ZNF644: variants seen among roughly 807,000 people sequenced by gnomAD.
The protein encoded by ZNF644 is zinc finger motif enhancer binding protein 2.
Under a neutral mutation model 108.0 loss-of-function variants are expected in ZNF644, and 20 were observed. The observed-to-expected ratio is 0.19, with a 90% CI of 0.13 to 0.27. The LOEUF is 0.27. ZNF644 is among the 10% of genes least tolerant of loss of function. The probability of loss-of-function intolerance (pLI) is 1.00; values close to 1 mark genes in which losing one functional copy is unlikely to be tolerated. For missense variants in ZNF644, 1,338 were observed against 1,548.9 expected, an observed-to-expected ratio of 0.86 and a Z score of 2.29; for synonymous variants, 542 against 539.1, an observed-to-expected ratio of 1.01 and a Z score of -0.08.
intron 2 of ZNF644, among the ~76,000 whole-genome samples, chr1:90,974,669 C>T (rs1655816046): frequency 6.6e-6 from 1 of 152,178 alleles, no homozygotes; most frequent in Admixed American, 6.5e-5. Flanking sequence ...ATCTTTCTAT[C>T]CCCACTTCTA....
chr1:90,941,279 A>G lies in ZNF644; in HGVS notation c.75T>C (p.Asn25=), dbSNP rs972623808. The change falls in exon 3 of 6, where the codon AAT becomes AAC. Residue 25 remains asparagine, a synonymous_variant. Transcript: ENST00000337393. ...RLNVLNGLAN[N]MDDLKINTDI... ...CGGTGTTTATCTTCAAATCATCCATATTGTTGGCAAGCCCATTTAACACAT... is the reference window on the plus strand; with the variant it reads ...CGGTGTTTATCTTCAAATCATCCATGTTGTTGGCAAGCCCATTTAACACAT... 2.5e-6 allele frequency: 4 copies of G among 1,598,648 alleles called. No individual in the cohort carries two copies. Among genetic ancestry groups the G allele is most frequent in the Non-Finnish European group, 3.4e-6 (4 of 1,176,260 alleles).
intron 1 of ZNF644, among the ~76,000 whole-genome samples, chr1:91,008,993 C>T (rs890287707): frequency 4.6e-5 from 7 of 152,178 alleles, no homozygotes; most frequent in Admixed American, 3.3e-4. Flanking sequence ...AATCACAGCA[C>T]TTTGGGAGGC....
chr1:90,973,282 A>T (rs1435788274), intron 2 of ZNF644: 1 of 152,104 alleles, frequency 6.6e-6, no homozygotes, highest in Non-Finnish European at 1.5e-5. Flanking sequence ...AAGTAAGAGT[A>T]TACATGTAAT....
At chr1:90,918,922 C>A (rs1323693919) in intron 4 of ZNF644, among the ~76,000 whole-genome samples, 1 of 151,824 alleles carries the variant, frequency 6.6e-6, no homozygotes, top group Non-Finnish European at 1.5e-5. Flanking sequence ...CTATTCTTTA[C>A]ATATTTTTCA....
Position 90,937,825 on chromosome 1 carries a change from G to A in ZNF644, c.3348C>T (p.Asp1116=). The change falls in exon 4 of 6, where the codon GAC becomes GAT. Residue 1116 remains aspartate, a synonymous_variant. Coordinates refer to ENST00000337393, the MANE Select transcript of ZNF644 (RefSeq NM_201269.3). ...FVAQKLASSD[D]FISQNVIPLE... The stretch of plus-strand genomic sequence containing the variant: ...GAGGTATAACATTTTGAGATATAAA[G>A]TCATCACTTGATGCAAGTTTTTGAG... 2.5e-6 allele frequency: 4 copies of A among 1,613,848 alleles called. No individual in the cohort carries two copies. Among genetic ancestry groups the A allele is most frequent in the Non-Finnish European group, 3.4e-6 (4 of 1,179,864 alleles).
intron 1 of ZNF644, among the ~76,000 whole-genome samples, chr1:91,016,230 C>G (rs1660421885): frequency 6.6e-6 from 1 of 152,140 alleles, no homozygotes; most frequent in Non-Finnish European, 1.5e-5. Context: ...TTGGGAATTA[C>G]CCCTCTCCTC....
At chr1:90,943,806 G>A (rs1015156326) in intron 2 of ZNF644, among the ~76,000 whole-genome samples, 1 of 152,202 alleles carries the variant, frequency 6.6e-6, no homozygotes, top group African/African-American at 2.4e-5. Context: ...AGGAAAGGGT[G>A]TGCAAATGTC....
At chr1:90,943,557 C>T (rs2100990207) in intron 2 of ZNF644, among the ~76,000 whole-genome samples, 1 of 152,242 alleles carries the variant, frequency 6.6e-6, no homozygotes, top group South Asian at 2.1e-4. Flanking sequence ...TTTAATACAA[C>T]AAATACCTAT....
At chr1:90,959,443 T>C (rs1654100426) in intron 2 of ZNF644, among the ~76,000 whole-genome samples, 1 of 152,190 alleles carries the variant, frequency 6.6e-6, no homozygotes, top group African/African-American at 2.4e-5. Context: ...GAAAAACTTG[T>C]ACACATATGT....
chr1:90,989,597 T>C (rs955408117), intron 1 of ZNF644, among the ~76,000 whole-genome samples: 4 of 152,086 alleles, frequency 2.6e-5, no homozygotes, highest in Admixed American at 2.6e-4. Flanking sequence ...CATCAGAGAA[T>C]GCAAATCTAA....
At chr1:90,954,701 C>T (rs1653566115) in intron 2 of ZNF644, among the ~76,000 whole-genome samples, 1 of 152,212 alleles carries the variant, frequency 6.6e-6, no homozygotes, top group Non-Finnish European at 1.5e-5. Flanking sequence ...GCCATGGCAC[C>T]CAGTCTTCAG....
At chr1:90,962,553 T>TA (rs1654440077) in intron 2 of ZNF644, among the ~76,000 whole-genome samples, 2 of 152,042 alleles carry the variant, frequency 1.3e-5, no homozygotes, top group African/African-American at 4.8e-5. Context: ...ATAATAATAG[T>TA]AAGTTCTAGG....
intron 1 of ZNF644, among the ~76,000 whole-genome samples, chr1:91,005,856 GA>G (rs1312080099): frequency 6.7e-6 from 1 of 149,870 alleles, no homozygotes; most frequent in East Asian, 2.0e-4. Context: ...TAAGAAATTA[GA>G]AAAAGACAAA....
rs1557658483 is a variant in ZNF644 at position 91,007,220 on chromosome 1, A to ATTTTTTT, written c.-18+14769_-18+14770insAAAAAAA. Among the ~76,000 whole-genome samples, 25 of 30,274 alleles carry ATTTTTTT rather than the reference A, an allele frequency of 8.3e-4. 2 individuals are homozygous for ATTTTTTT. The highest frequency in any genetic ancestry group is 1.4e-3 in the Non-Finnish European group (22 of 15,280). 19.9% of individuals were successfully genotyped at this position (30,274 alleles called of 152,430 possible). A position where few individuals can be genotyped will look rare whatever the true frequency, so the allele number is the denominator to read the frequency against. ...TTCTTAATTTCTTCCATTTTCTCCC[A>ATTTTTTT]TTTTGTTTTTTTTTTTTTTTTTTTT... On this transcript the variant is annotated intron_variant, in intron 1 of 5. Coordinates refer to ENST00000337393, the MANE Select transcript of ZNF644 (RefSeq NM_201269.3).
intron 4 of ZNF644, among the ~76,000 whole-genome samples, chr1:90,924,689 C>T (rs1021792028): frequency 6.6e-6 from 1 of 152,042 alleles, no homozygotes; most frequent in Non-Finnish European, 1.5e-5. Flanking sequence ...TTCTCAAGAG[C>T]CTTACACGTG....
chr1:90,988,836 G>C (rs1025544411), intron 1 of ZNF644, among the ~76,000 whole-genome samples: 5 of 152,126 alleles, frequency 3.3e-5, no homozygotes, highest in African/African-American at 1.2e-4. Context: ...ATATCCACGT[G>C]AAAAAGAATG....
intron 1 of ZNF644, among the ~76,000 whole-genome samples, chr1:90,989,907 A>C (rs1657471117): frequency 6.6e-6 from 1 of 152,216 alleles, no homozygotes; most frequent in Non-Finnish European, 1.5e-5. Context: ...AAGAGAAGGA[A>C]GAAACCCACT....
intron 4 of ZNF644, among the ~76,000 whole-genome samples, chr1:90,918,628 G>C (rs916762245): frequency 3.8e-4 from 58 of 152,074 alleles, no homozygotes; most frequent in African/African-American, 1.3e-3. Flanking sequence ...TTCTATACTT[G>C]GAAAACTTCG....
At chr1:91,015,315 A>G (rs1328835904) in intron 1 of ZNF644, among the ~76,000 whole-genome samples, 1 of 152,206 alleles carries the variant, frequency 6.6e-6, no homozygotes, top group African/African-American at 2.4e-5. Flanking sequence ...CAAAGTGTGG[A>G]GAGGAAAAGA....
Sources: gnomAD v4.1 joint callset for allele counts (sites outside exome capture counted in the v4.1 genomes callset) on GRCh38, gnomAD v4.1.1 for gene constraint, MANE v1.5 for transcripts, NCBI Gene and HGNC (gene_info 2026-07-23, HGNC 2026-07-21) for gene names.